Variants in TTC28 observed in about 807,000 individuals in gnomAD.
TTC28 encodes tetratricopeptide repeat protein 28.
Under a neutral mutation model 198.0 loss-of-function variants are expected in TTC28, and 61 were observed. The observed-to-expected ratio is 0.31, with a 90% confidence interval of 0.25 to 0.38. The LOEUF is 0.38. Ranked by LOEUF, TTC28 falls within the 10% of genes least tolerant of loss-of-function variation. The pLI is 1.00. For missense variants in TTC28, 2,678 were observed against 3,164.0 expected (o/e 0.85, Z 3.69); for synonymous variants, 1,171 against 1,297.8 (o/e 0.90, Z 2.10).
At chr22:28,192,256 C>T (rs933413751) in intron 5 of TTC28, among the ~76,000 whole-genome samples, 4 of 152,192 alleles carry the variant, frequency 2.6e-5, no homozygotes, top group Non-Finnish European at 5.9e-5. Flanking sequence ...AACTAACAAA[C>T]GGAAAGGACA....
chr22:27,983,482 A>G lies in TTC28; in HGVS notation c.6185T>C (p.Ile2062Thr). The change falls in exon 23 of 23, where the codon ATC becomes ACC. Residue 2062 changes from isoleucine to threonine, a missense_variant. Coordinates refer to ENST00000397906, the MANE Select transcript of TTC28 (RefSeq NM_001145418.2). Reference sequence around the variant, plus strand: ...GTAGGTCGCCAAGGGCTCGTTACTGATGATAGAAAACCCTTCATATTCTTC... The same window carrying G: ...GTAGGTCGCCAAGGGCTCGTTACTGGTGATAGAAAACCCTTCATATTCTTC... ...DEEEYEGFSI[I>T]SNEPLATYQE... The G allele has an allele frequency of 6.5e-7, 1 of 1,546,352 alleles. No homozygotes were observed. The highest frequency in any genetic ancestry group is 8.7e-7 in the Non-Finnish European group (1 of 1,145,674).
intron 2 of TTC28, among the ~76,000 whole-genome samples, chr22:28,399,469 C>T (rs772527183): frequency 1.4e-4 from 21 of 151,896 alleles, no homozygotes; most frequent in Non-Finnish European, 2.4e-4. Context: ...TACAGGCATG[C>T]ACCACCATAC....
At chr22:28,065,360 C>T (rs1400131145) in intron 12 of TTC28, among the ~76,000 whole-genome samples, 1 of 152,180 alleles carries the variant, frequency 6.6e-6, no homozygotes, top group Non-Finnish European at 1.5e-5. Flanking sequence ...CTTCTTTCTC[C>T]ACTGACTTAG....
At position 28,579,671 on chromosome 22, in the gene TTC28, CA is replaced by C. The variant is rs1028797124; in HGVS notation, c.381+49880del. On this transcript the variant is annotated intron_variant, in intron 2 of 22. Coordinates refer to ENST00000397906, the MANE Select transcript of TTC28 (RefSeq NM_001145418.2). Reference sequence around the variant, plus strand: ...GTATAAATACACATATATACACACCCAAAAAAAACCGAAGGGCTGAGCACAG... The same window carrying C: ...GTATAAATACACATATATACACACCCAAAAAAACCGAAGGGCTGAGCACAG... Among the ~76,000 whole-genome samples, 45 of 149,320 alleles carry C rather than the reference CA, an allele frequency of 3.0e-4. 1 individual carries two copies. Among genetic ancestry groups the C allele is most frequent in the African/African-American group, 1.5e-4 (6 of 40,522 alleles).
chr22:28,165,956 T>C (rs926080667), intron 5 of TTC28, among the ~76,000 whole-genome samples: 90 of 151,960 alleles, frequency 5.9e-4, no homozygotes, highest in African/African-American at 2.1e-3. Flanking sequence ...GAGACACACA[T>C]AGGCTCAAAA....
At chr22:28,661,453 T>C (rs2051746036) in intron 1 of TTC28, among the ~76,000 whole-genome samples, 1 of 152,132 alleles carries the variant, frequency 6.6e-6, no homozygotes, top group Admixed American at 6.6e-5. Context: ...TGGGTTTCAT[T>C]CTGTGGCCCA....
intron 17 of TTC28, 121 bp downstream of exon 17, chr22:27,996,014 A>G: frequency 7.1e-7 from 1 of 1,410,874 alleles, no homozygotes; most frequent in Admixed American, 2.4e-5. Flanking sequence ...CATCCTGGAC[A>G]CGGCCCCAAT....
intron 6 of TTC28, among the ~76,000 whole-genome samples, chr22:28,140,081 T>C (rs1489965644): frequency 1.3e-5 from 2 of 152,208 alleles, no homozygotes; most frequent in Admixed American, 6.5e-5. Context: ...TGATCTTGGA[T>C]GTGTGAGTTC....
intron 2 of TTC28, among the ~76,000 whole-genome samples, chr22:28,518,504 T>A (rs997103709): frequency 1.3e-5 from 2 of 152,106 alleles, no homozygotes; most frequent in African/African-American, 4.8e-5. Context: ...TAGTCTCAGC[T>A]ACTCAGGAAG....
At chr22:28,217,921 T>C (rs994173869) in intron 5 of TTC28, among the ~76,000 whole-genome samples, 1 of 152,230 alleles carries the variant, frequency 6.6e-6, no homozygotes, top group Non-Finnish European at 1.5e-5. Context: ...TTACACTTTT[T>C]AAAATCCTTA....
chr22:28,645,625 T>C (rs1464085870), intron 1 of TTC28, among the ~76,000 whole-genome samples: 2 of 127,834 alleles, frequency 1.6e-5, no homozygotes, highest in Non-Finnish European at 3.2e-5. Context: ...AGACTACATC[T>C]CAAAAAAAAA....
At chr22:28,469,955 C>T (rs2048077040) in intron 2 of TTC28, among the ~76,000 whole-genome samples, 1 of 152,182 alleles carries the variant, frequency 6.6e-6, no homozygotes, top group African/African-American at 2.4e-5. Flanking sequence ...CTTGCCTCAA[C>T]TTCCACAGTA....
Position 27,989,925 on chromosome 22 carries a change from A to G in TTC28, c.5660T>C (p.Val1887Ala). The stretch of plus-strand genomic sequence containing the variant: ...GCATCCCGGGAGCCGCCACAGCTGG[A>G]CGCTGATGGAGACCTGAATGGGAGC... ...ASAPIQVSISVQLWRLPGCHE... is the reference protein window; with the variant it reads ...ASAPIQVSISAQLWRLPGCHE... The change falls in exon 21 of 23, where the codon GTC (valine) becomes GCC (alanine). Residue 1887 changes from valine to alanine, a missense_variant. Val to Ala is a moderately conservative substitution (Grantham distance 64). Transcript: ENST00000397906. 1 of 1,551,446 alleles carries G rather than the reference A, an allele frequency of 6.4e-7. No homozygotes were observed. The highest frequency in any genetic ancestry group is 8.7e-7 in the Non-Finnish European group (1 of 1,146,932).
chr22:28,019,860 G>A (rs1021418382), intron 13 of TTC28, among the ~76,000 whole-genome samples: 3 of 152,230 alleles, frequency 2.0e-5, no homozygotes, highest in Admixed American at 6.5e-5. Flanking sequence ...TGGCAGGAGC[G>A]TGAGCCGTGG....
intron 5 of TTC28, among the ~76,000 whole-genome samples, chr22:28,295,760 T>G (rs2044882506): frequency 6.6e-6 from 1 of 152,176 alleles, no homozygotes; most frequent in Non-Finnish European, 1.5e-5. Flanking sequence ...TTCAGATATC[T>G]CAATCAAACT....
chr22:28,388,799 T>G (rs2046662578), intron 2 of TTC28, among the ~76,000 whole-genome samples: 1 of 152,216 alleles, frequency 6.6e-6, no homozygotes, highest in South Asian at 2.1e-4. Flanking sequence ...AGGGACAATT[T>G]GACTTCCTCT....
At chr22:28,316,036 T>C (rs968625350) in intron 2 of TTC28, among the ~76,000 whole-genome samples, 19 of 152,186 alleles carry the variant, frequency 1.2e-4, no homozygotes, top group African/African-American at 4.6e-4. Flanking sequence ...TTCTGGTAGT[T>C]CCATCCCATT....
chr22:28,654,415 C>G (rs12168031), intron 1 of TTC28, among the ~76,000 whole-genome samples: 20,717 of 152,090 alleles, frequency 0.14, 1,658 homozygotes, highest in African/African-American at 0.2. Flanking sequence ...GCAACCTCTG[C>G]CTCCTGGGTT....
At chr22:28,601,590 T>TA (rs762574541) in intron 2 of TTC28, among the ~76,000 whole-genome samples, 17 of 152,112 alleles carry the variant, frequency 1.1e-4, no homozygotes, top group Admixed American at 5.9e-4. Context: ...AATACTACCT[T>TA]ATTTTATATA....
Sources: allele counts gnomAD v4.1 joint callset (sites outside exome capture counted in the v4.1 genomes callset), GRCh38; gene constraint gnomAD v4.1.1; transcripts MANE v1.5; gene names NCBI Gene and HGNC (gene_info 2026-07-23, HGNC 2026-07-21).